INPP4B: variants seen among roughly 807,000 people sequenced by gnomAD.
INPP4B encodes inositol polyphosphate-4-phosphatase type II B, also known as inositol polyphosphate 4-phosphatase type II.
In INPP4B, 55 loss-of-function variants were observed where a neutral mutation model predicts 122.5. That is an observed-to-expected ratio of 0.45 (90% CI 0.36 to 0.56). The LOEUF (loss-of-function observed/expected upper bound fraction) is 0.56, where lower values mean the gene tolerates loss of function less well. INPP4B is among the 20% of genes least tolerant of loss of function. The pLI is 0.00. For missense variants in INPP4B, 1,000 were observed against 1,097.7 expected (o/e 0.91, Z 1.26); for synonymous variants, 403 against 388.7 (o/e 1.04, Z -0.43).
At chr4:142,166,475 C>T (rs1472749872) in intron 16 of INPP4B, among the ~76,000 whole-genome samples, 1 of 151,694 alleles carries the variant, frequency 6.6e-6, no homozygotes, top group African/African-American at 2.4e-5. Context: ...AGGACATAGG[C>T]ATGGGCAAAT....
chr4:142,794,484 G>A (rs938066664), intron 1 of INPP4B, among the ~76,000 whole-genome samples: 1 of 151,858 alleles, frequency 6.6e-6, no homozygotes, highest in South Asian at 2.1e-4. Context: ...AAAATTCTAT[G>A]TGGACTAAAG....
At chr4:142,450,058 G>A (rs1000545327) in intron 3 of INPP4B, among the ~76,000 whole-genome samples, 1 of 152,176 alleles carries the variant, frequency 6.6e-6, no homozygotes, top group South Asian at 2.1e-4. Context: ...GTAAGAAGTT[G>A]ACCTCTTTGT....
At chr4:142,447,692 A>G (rs1193153706) in intron 3 of INPP4B, among the ~76,000 whole-genome samples, 2 of 152,228 alleles carry the variant, frequency 1.3e-5, no homozygotes, top group Non-Finnish European at 2.9e-5. Context: ...GAGGACCAGG[A>G]GTTTGAACAA....
intron 21 of INPP4B, among the ~76,000 whole-genome samples, chr4:142,114,428 C>T (rs1025686596): frequency 2.0e-5 from 3 of 152,092 alleles, no homozygotes; most frequent in East Asian, 3.9e-4. Flanking sequence ...AGGTTTTCCA[C>T]ATCCTCACCA....
At chr4:142,383,773 T>A (rs1795018260) in intron 7 of INPP4B, 2 of 328,204 alleles carry the variant, frequency 6.1e-6, no homozygotes, top group African/African-American at 2.1e-5. Flanking sequence ...ACAACAGTGG[T>A]TGCACAGGCA....
chr4:142,621,561 T>C (rs1421210699), intron 2 of INPP4B, among the ~76,000 whole-genome samples: 2 of 151,980 alleles, frequency 1.3e-5, no homozygotes, highest in Admixed American at 6.6e-5. Flanking sequence ...AAGGACATGA[T>C]TGTAAGAGTT....
intron 21 of INPP4B, among the ~76,000 whole-genome samples, chr4:142,121,274 T>G (rs1288217017): frequency 6.6e-6 from 1 of 152,126 alleles, no homozygotes; most frequent in African/African-American, 2.4e-5. Context: ...TATGTGGTTC[T>G]GGGTATCCTT....
At chr4:142,836,747 A>ACACACACACACACACACACACACAC (rs1782831204) in intron 1 of INPP4B, among the ~76,000 whole-genome samples, 1 of 96,724 alleles carries the variant, frequency 1.0e-5, no homozygotes, top group South Asian at 3.9e-4. Flanking sequence ...CACACACACA[A>ACACACACACACACACACACACACAC]GAAATACGAC....
At chr4:142,241,158 C>A (rs1020824673) in intron 11 of INPP4B, among the ~76,000 whole-genome samples, 2 of 152,076 alleles carry the variant, frequency 1.3e-5, no homozygotes, top group African/African-American at 4.8e-5. Flanking sequence ...ATACAATAGG[C>A]TTATCTCAAT....
At chr4:142,394,138 G>GTTTT (rs747330670) in intron 7 of INPP4B, among the ~76,000 whole-genome samples, 1 of 151,372 alleles carries the variant, frequency 6.6e-6, no homozygotes, top group Non-Finnish European at 1.5e-5. Context: ...GTTTTGTGTG[G>GTTTT]TTTTTTTTGT....
chr4:142,151,371 T>C (rs530958551), intron 17 of INPP4B, among the ~76,000 whole-genome samples: 41 of 152,198 alleles, frequency 2.7e-4, no homozygotes, highest in Middle Eastern at 3.4e-3. Flanking sequence ...CCAGATGAGA[T>C]TCCCTGATCT....
At position 142,559,776 on chromosome 4, in the gene INPP4B, C is replaced by A. The variant is rs538223312; in HGVS notation, c.-190-97050G>T. ...TTAAACTCTCAATGTATAAATTGAACATTCTGCCAAGAGTATACTAAAAAT... is the reference window on the plus strand; with the variant it reads ...TTAAACTCTCAATGTATAAATTGAAAATTCTGCCAAGAGTATACTAAAAAT... On this transcript the variant is annotated intron_variant, in intron 2 of 25. Coordinates refer to ENST00000262992, the MANE Select transcript of INPP4B (RefSeq NM_001101669.3). Among the ~76,000 whole-genome samples, 5 of 152,268 alleles carry A rather than the reference C, an allele frequency of 3.3e-5. No individual in the cohort carries two copies. The South Asian group carries it at 1.0e-3, about 32-fold the overall frequency.
rs148666664 is a variant in INPP4B, at chr4:142,582,178, T to C, written c.-190-119452A>G. ...TCATTTCCCTAATCTGCTGAAAACA[T>C]AATCATCTAATGGATACAAAAAAAA... On this transcript the variant is annotated intron_variant, in intron 2 of 25. Coordinates refer to ENST00000262992, the MANE Select transcript of INPP4B (RefSeq NM_001101669.3). 2.7e-3 allele frequency among the ~76,000 whole-genome samples: 368 copies of C among 136,056 alleles called. 3 individuals carry two copies. The highest frequency in any genetic ancestry group is 8.8e-3 in the African/African-American group (353 of 40,266). 89.3% of individuals were successfully genotyped at this position (136,056 alleles called of 152,430 possible).
intron 1 of INPP4B, among the ~76,000 whole-genome samples, chr4:142,731,257 AATATG>A (rs1367722539): frequency 5.3e-5 from 8 of 152,194 alleles, no homozygotes; most frequent in Non-Finnish European, 7.3e-5. Context: ...TAACATGAGA[AATATG>A]ATATGACATT....
intron 7 of INPP4B, among the ~76,000 whole-genome samples, chr4:142,375,521 A>G (rs934486711): frequency 6.6e-5 from 10 of 151,998 alleles, no homozygotes; most frequent in African/African-American, 2.4e-4. Context: ...ATCCCACTCT[A>G]AGGAGTTTGG....
chr4:142,173,555 C>T (rs1355901624), intron 16 of INPP4B, 77 bp downstream of exon 16: 25 of 1,199,016 alleles, frequency 2.1e-5, no homozygotes, highest in Admixed American at 4.4e-5. Context: ...CTATGAATGG[C>T]GATGTATGCA....
At chr4:142,066,656 C>T (rs967795469) in intron 25 of INPP4B, among the ~76,000 whole-genome samples, 10 of 152,324 alleles carry the variant, frequency 6.6e-5, no homozygotes, top group Admixed American at 2.6e-4. Context: ...TCTTAGCAAA[C>T]GGCACACCAG....
chr4:142,664,690 A>T (rs1386736119), intron 2 of INPP4B, among the ~76,000 whole-genome samples: 1 of 152,176 alleles, frequency 6.6e-6, no homozygotes, highest in Non-Finnish European at 1.5e-5. Context: ...AATGAGATAT[A>T]TTTCAATTAA....
chr4:142,134,953 A>G (rs1454534007), intron 18 of INPP4B, among the ~76,000 whole-genome samples: 1 of 152,102 alleles, frequency 6.6e-6, no homozygotes, highest in Admixed American at 6.6e-5. Context: ...CTCTAGTGAA[A>G]AAGATTCTTT....
Sources: allele counts gnomAD v4.1 joint callset (sites outside exome capture counted in the v4.1 genomes callset), GRCh38; gene constraint gnomAD v4.1.1; transcripts MANE v1.5; gene names NCBI Gene and HGNC (gene_info 2026-07-23, HGNC 2026-07-21).